The following THSD7B variants were observed in gnomAD, a reference collection of about 807,000 sequenced individuals.
THSD7B encodes thrombospondin type-1 domain-containing protein 7B.
A neutral mutation model predicts 213.6 loss-of-function variants in THSD7B; 138 were observed. The ratio of observed to expected loss-of-function variants is 0.65; its 90% confidence interval spans 0.56 to 0.74. The LOEUF (loss-of-function observed/expected upper bound fraction) is 0.74, where lower values mean the gene tolerates loss of function less well. THSD7B is among the 30% of genes least tolerant of loss of function. THSD7B has a pLI of 0.00. For synonymous variants in THSD7B, 742 were observed against 687.0 expected, an observed-to-expected ratio of 1.08 and a Z score of -1.25; for missense variants, 1,931 against 1,991.5, an observed-to-expected ratio of 0.97 and a Z score of 0.58.
At chr2:137,067,091 A>G (rs1434675575) in intron 3 of THSD7B, among the ~76,000 whole-genome samples, 3 of 152,064 alleles carry the variant, frequency 2.0e-5, no homozygotes, top group African/African-American at 7.2e-5. Flanking sequence ...GTTCTTGCAC[A>G]TTGTCTACTT....
intron 21 of THSD7B, among the ~76,000 whole-genome samples, chr2:137,652,405 C>CT (rs1284059051): frequency 6.6e-6 from 1 of 151,992 alleles, no homozygotes; most frequent in East Asian, 1.9e-4. Flanking sequence ...CATGGAATAT[C>CT]TTTTTTTATT....
intron 1 of THSD7B, among the ~76,000 whole-genome samples, chr2:136,799,448 A>C (rs975920444): frequency 6.6e-6 from 1 of 151,982 alleles, no homozygotes; most frequent in African/African-American, 2.4e-5. Flanking sequence ...TTTTTTTGTA[A>C]TCCATCTTCA....
At chr2:137,020,507 C>T (rs13406300) in intron 2 of THSD7B, among the ~76,000 whole-genome samples, 10,764 of 152,204 alleles carry the variant, frequency 0.071, 412 homozygotes, top group East Asian at 0.14. Context: ...AGTGGGAACA[C>T]GCATGTACAT....
intron 12 of THSD7B, among the ~76,000 whole-genome samples, chr2:137,385,019 G>A (rs745516564): frequency 6.6e-6 from 1 of 152,096 alleles, no homozygotes; most frequent in Non-Finnish European, 1.5e-5. Flanking sequence ...GCAGTCACCA[G>A]GTGGACTCCA....
intron 7 of THSD7B, among the ~76,000 whole-genome samples, chr2:137,227,062 G>A (rs73958736): frequency 0.04 from 6,031 of 152,176 alleles, 191 homozygotes; most frequent in South Asian, 0.077. Context: ...AGTTTCCAGA[G>A]GCTGTGGGGA....
At chr2:137,418,282 G>A (rs2105022263) in intron 14 of THSD7B, among the ~76,000 whole-genome samples, 1 of 152,186 alleles carries the variant, frequency 6.6e-6, no homozygotes, top group Non-Finnish European at 1.5e-5. Context: ...CTTCTGGCCA[G>A]CCTCTCTCCC....
At chr2:137,144,117 T>C (rs1253452973) in intron 5 of THSD7B, among the ~76,000 whole-genome samples, 2 of 152,058 alleles carry the variant, frequency 1.3e-5, no homozygotes, top group Non-Finnish European at 1.5e-5. Flanking sequence ...GTCATTCCTC[T>C]GGGTGGAAGT....
intron 2 of THSD7B, among the ~76,000 whole-genome samples, chr2:136,904,256 C>G (rs1684116746): frequency 6.6e-6 from 1 of 152,092 alleles, no homozygotes; most frequent in Non-Finnish European, 1.5e-5. Flanking sequence ...GTAACCCACC[C>G]TGGGATAAGC....
chr2:137,069,429 T>C (rs866435059), intron 3 of THSD7B, among the ~76,000 whole-genome samples: 11 of 152,072 alleles, frequency 7.2e-5, no homozygotes, highest in African/African-American at 1.7e-4. Flanking sequence ...TTCATACTTA[T>C]TGTTTGCATG....
chr2:137,528,526 A>G (rs1021841968), intron 15 of THSD7B, among the ~76,000 whole-genome samples: 10 of 152,122 alleles, frequency 6.6e-5, no homozygotes, highest in Non-Finnish European at 1.5e-4. Flanking sequence ...ACTCAGGTAC[A>G]ATCTTGATTT....
At chr2:136,943,730 C>T (rs1163782572) in intron 2 of THSD7B, among the ~76,000 whole-genome samples, 1 of 151,944 alleles carries the variant, frequency 6.6e-6, no homozygotes, top group Non-Finnish European at 1.5e-5. Context: ...TGGTGATTTC[C>T]CCTTTATCAT....
chr2:136,779,198 A>ATGTGTG (rs199689020), intron 1 of THSD7B, among the ~76,000 whole-genome samples: 3,311 of 55,016 alleles, frequency 0.06, 71 homozygotes, highest in Admixed American at 0.09. Context: ...ATATATATAT[A>ATGTGTG]TGTGTGTGTG....
rs75687023 is a variant in THSD7B at position 136,792,110 on chromosome 2, G to T, written c.-36+26423G>T. Among the ~76,000 whole-genome samples the T allele has an allele frequency of 2.1e-3, 322 of 152,036 alleles. 1 individual carries two copies. The highest frequency in any genetic ancestry group is 4.5e-3 in the Admixed American group (69 of 15,246). ...TTGTGCTTTTAATTTGTACTTTCCTGGTGGCTAATGATGTTGTGCATTTTT... is the reference window on the plus strand; with the variant it reads ...TTGTGCTTTTAATTTGTACTTTCCTTGTGGCTAATGATGTTGTGCATTTTT... On this transcript the variant is annotated intron_variant, in intron 1 of 27. Coordinates refer to ENST00000409968, the MANE Select transcript of THSD7B (RefSeq NM_001316349.2).
chr2:136,801,898 A>C (rs1441850938), intron 1 of THSD7B, among the ~76,000 whole-genome samples: 2 of 152,150 alleles, frequency 1.3e-5, no homozygotes, highest in Non-Finnish European at 2.9e-5. Context: ...GCATTATTTC[A>C]TTCTGATTGC....
rs186090639 is a variant in THSD7B at position 136,969,902 on chromosome 2, G to A, written c.140-86518G>A. Among the ~76,000 whole-genome samples the A allele has an allele frequency of 4.7e-3, 712 of 152,296 alleles. 1 individual carries two copies. The highest frequency in any genetic ancestry group is 6.1e-3 in the Non-Finnish European group (413 of 68,034). On this transcript the variant is annotated intron_variant, in intron 2 of 27. Coordinates refer to ENST00000409968, the MANE Select transcript of THSD7B (RefSeq NM_001316349.2). ...ATGGGAATCTTTCCAATTGAGGGAA[G>A]CTTCCAATATGAAAGTCATAAACTA...
intron 10 of THSD7B, among the ~76,000 whole-genome samples, chr2:137,263,102 T>C (rs745864170): frequency 1.3e-5 from 2 of 152,130 alleles, no homozygotes; most frequent in Admixed American, 6.5e-5. Context: ...AATTTAGAAC[T>C]ATGGCCTGGG....
At chr2:136,996,992 A>C (rs964334074) in intron 2 of THSD7B, among the ~76,000 whole-genome samples, 1 of 152,230 alleles carries the variant, frequency 6.6e-6, no homozygotes, top group Non-Finnish European at 1.5e-5. Context: ...CATATTGCCA[A>C]AAATCTAGAA....
intron 10 of THSD7B, among the ~76,000 whole-genome samples, chr2:137,263,438 T>TAGCA (rs1290085041): frequency 1.3e-5 from 2 of 152,230 alleles, no homozygotes; most frequent in African/African-American, 2.4e-5. Context: ...CAAGGTCATA[T>TAGCA]AGCAATTCAG....
At chr2:137,289,045 A>T (rs1683253677) in intron 12 of THSD7B, among the ~76,000 whole-genome samples, 1 of 124,516 alleles carries the variant, frequency 8.0e-6, no homozygotes, top group South Asian at 3.2e-4. Context: ...AATAATTCCA[A>T]TTTTTTGATA....
Sources: allele counts gnomAD v4.1 joint callset (sites outside exome capture counted in the v4.1 genomes callset), GRCh38; gene constraint gnomAD v4.1.1; transcripts MANE v1.5; gene names NCBI Gene and HGNC (gene_info 2026-07-23, HGNC 2026-07-21).